The following BMPER variants were observed in gnomAD, a reference collection of about 807,000 sequenced individuals.
BMPER encodes BMP binding endothelial regulator, also known as BMP-binding endothelial regulator protein.
In BMPER, 45 loss-of-function variants were observed where a neutral mutation model predicts 87.3. That is an observed-to-expected ratio of 0.52 (90% CI 0.41 to 0.66). The LOEUF is 0.66. BMPER is among the 30% of genes least tolerant of loss of function. The probability of loss-of-function intolerance (pLI) is 0.00; values close to 1 mark genes in which losing one functional copy is unlikely to be tolerated. For missense variants in BMPER, 784 were observed against 867.5 expected (o/e 0.90, Z 1.21); for synonymous variants, 326 against 316.2 (o/e 1.03, Z -0.33).
intron 13 of BMPER, among the ~76,000 whole-genome samples, chr7:34,092,932 C>T (rs972898832): frequency 1.3e-5 from 2 of 152,142 alleles, no homozygotes; most frequent in Non-Finnish European, 2.9e-5. Context: ...CATATCTTAA[C>T]AGATAGATTA....
intron 6 of BMPER, among the ~76,000 whole-genome samples, chr7:33,976,413 AAAG>A (rs1461578463): frequency 5.3e-5 from 8 of 152,294 alleles, no homozygotes; most frequent in African/African-American, 1.7e-4. Flanking sequence ...TCAGCCTCCC[AAAG>A]TGCTGGGATT....
intron 11 of BMPER, among the ~76,000 whole-genome samples, chr7:34,077,524 A>C (rs759417): frequency 0.66 from 99,640 of 152,112 alleles, 33,848 homozygotes; most frequent in East Asian, 0.89. Context: ...TGAAATTCTC[A>C]TAAATGCCAA....
At chr7:33,963,109 G>A (rs1785312688) in intron 3 of BMPER, among the ~76,000 whole-genome samples, 1 of 152,178 alleles carries the variant, frequency 6.6e-6, no homozygotes, top group African/African-American at 2.4e-5. Context: ...TTTGGAGTAA[G>A]CCCTTTAGCC....
chr7:33,938,584 C>T (rs139783451), intron 3 of BMPER, among the ~76,000 whole-genome samples: 36 of 152,224 alleles, frequency 2.4e-4, no homozygotes, highest in African/African-American at 7.7e-4. Flanking sequence ...CATGCCCTGC[C>T]GACACCTTGA....
chr7:33,970,282 C>T (rs762102832), intron 4 of BMPER, 47 bp from the exon 5 acceptor site: 2 of 1,580,620 alleles, frequency 1.3e-6, no homozygotes, highest in Non-Finnish European at 1.7e-6. Context: ...AGTAGTAACT[C>T]CGTGGGAATT....
At chr7:33,991,049 C>T (rs373052911) in intron 6 of BMPER, among the ~76,000 whole-genome samples, 4,846 of 144,162 alleles carry the variant, frequency 0.034, 125 homozygotes, top group Non-Finnish European at 0.051. Context: ...TGCATCAATG[C>T]TCATCAAGGA....
chr7:34,055,512 A>C (rs1469948582), intron 9 of BMPER, among the ~76,000 whole-genome samples: 1 of 152,244 alleles, frequency 6.6e-6, no homozygotes. Flanking sequence ...CAGAGAATCA[A>C]CCGTCTGAAA....
rs187834821 is a variant in BMPER at position 34,015,843 on chromosome 7, C to T, written c.577-30463C>T. ...TGTGGCTCACGCTGAGAGATCTGAG[C>T]GTGTGCCTCCACCTCAGCCACAATG... On this transcript the variant is annotated intron_variant, in intron 6 of 14. Coordinates refer to ENST00000649409, the MANE Select transcript of BMPER (RefSeq NM_001365308.1). Among the ~76,000 whole-genome samples the T allele has an allele frequency of 3.3e-4, 50 of 151,936 alleles. 2 individuals are homozygous for T. In the East Asian group the frequency reaches 9.0e-3, roughly 27 times the overall value.
At chr7:33,936,918 C>T (rs952419016) in intron 2 of BMPER, among the ~76,000 whole-genome samples, 1 of 152,170 alleles carries the variant, frequency 6.6e-6, no homozygotes, top group Non-Finnish European at 1.5e-5. Context: ...AGTCCTGGCC[C>T]AGGTAGCCCA....
chr7:34,004,290 T>C (rs1466824812), intron 6 of BMPER, among the ~76,000 whole-genome samples: 1 of 152,152 alleles, frequency 6.6e-6, no homozygotes, highest in Admixed American at 6.6e-5. Context: ...GAAGTGATTG[T>C]TATACTTTTA....
intron 6 of BMPER, among the ~76,000 whole-genome samples, chr7:34,020,730 G>A (rs1331057546): frequency 6.6e-6 from 1 of 151,954 alleles, no homozygotes; most frequent in African/African-American, 2.4e-5. Context: ...TTAGGGAAGT[G>A]TCTGCTGAGT....
chr7:34,127,889 C>A (rs1483682881), intron 13 of BMPER, among the ~76,000 whole-genome samples: 2 of 152,178 alleles, frequency 1.3e-5, no homozygotes, highest in Admixed American at 6.5e-5. Flanking sequence ...TACATAACTT[C>A]TTTTCTCCAC....
chr7:33,964,352 A>G (rs1021922795), intron 3 of BMPER, among the ~76,000 whole-genome samples: 8 of 152,184 alleles, frequency 5.3e-5, no homozygotes, highest in African/African-American at 9.6e-5. Flanking sequence ...TTTGGAGTCT[A>G]TTTAGTCAGT....
At chr7:34,139,505 C>T (rs1790808710) in intron 13 of BMPER, among the ~76,000 whole-genome samples, 1 of 152,168 alleles carries the variant, frequency 6.6e-6, no homozygotes. Flanking sequence ...ATTCACAGTG[C>T]CTGCCTGACT....
intron 3 of BMPER, among the ~76,000 whole-genome samples, chr7:33,959,394 C>T (rs1364376667): frequency 1.3e-5 from 2 of 152,064 alleles, no homozygotes; most frequent in Non-Finnish European, 2.9e-5. Flanking sequence ...TCTCACAGGA[C>T]TGTCTCTCCT....
chr7:34,117,959 G>A (rs369245632), intron 13 of BMPER, among the ~76,000 whole-genome samples: 6 of 152,276 alleles, frequency 3.9e-5, no homozygotes, highest in African/African-American at 1.4e-4. Context: ...ACATTTCTTT[G>A]TTGTGGCTTT....
intron 6 of BMPER, among the ~76,000 whole-genome samples, chr7:34,013,313 A>G (rs567158625): frequency 9.9e-5 from 15 of 151,612 alleles, no homozygotes; most frequent in Non-Finnish European, 1.8e-4. Context: ...ACTGAGTCCT[A>G]TAGAGTTTGT....
chr7:33,905,819 GCCCCGGGGAT>G, intron 1 of BMPER, 73 bp downstream of exon 1: 2 of 556,958 alleles, frequency 3.6e-6, no homozygotes, highest in East Asian at 5.8e-5. Context: ...GCGCTGGCTT[GCCCCGGGGAT>G]GGGAGGGTGG....
At chr7:34,024,514 A>G (rs1160619097) in intron 6 of BMPER, among the ~76,000 whole-genome samples, 1 of 143,128 alleles carries the variant, frequency 7.0e-6, no homozygotes, top group Non-Finnish European at 1.5e-5. Flanking sequence ...CCATTCCTCT[A>G]ATCTTTGTTT....
Sources: gnomAD v4.1 joint callset for allele counts (sites outside exome capture counted in the v4.1 genomes callset) on GRCh38, gnomAD v4.1.1 for gene constraint, MANE v1.5 for transcripts, NCBI Gene and HGNC (gene_info 2026-07-23, HGNC 2026-07-21) for gene names.